The following ATP8B1 variants were observed in gnomAD, a reference collection of about 807,000 sequenced individuals.
The protein encoded by ATP8B1 is phospholipid-transporting ATPase IC.
A neutral mutation model predicts 149.9 loss-of-function variants in ATP8B1; 80 were observed. That is an observed-to-expected ratio of 0.53 (90% confidence interval 0.45 to 0.64). The LOEUF is 0.64. Ranked by LOEUF, ATP8B1 falls within the 30% of genes least tolerant of loss-of-function variation. The probability of loss-of-function intolerance (pLI) is 0.00; values close to 1 mark genes in which losing one functional copy is unlikely to be tolerated. For missense variants in ATP8B1, 1,247 were observed against 1,552.6 expected (o/e 0.80, Z 3.31); for synonymous variants, 536 against 562.8 (o/e 0.95, Z 0.67).
At chr18:57,745,654 C>T (rs8090115) in intron 1 of ATP8B1, among the ~76,000 whole-genome samples, 7,981 of 83,152 alleles carry the variant, frequency 0.096, 581 homozygotes, top group African/African-American at 0.31. Flanking sequence ...CATGGTTTTA[C>T]AATTTTTTTT....
chr18:57,756,533 T>C (rs2080086396), intron 1 of ATP8B1, among the ~76,000 whole-genome samples: 1 of 151,982 alleles, frequency 6.6e-6, no homozygotes, highest in Admixed American at 6.6e-5. Flanking sequence ...ACTCCTGACC[T>C]CAGGTGATCT....
In ATP8B1 at chr18:57,792,558, C is replaced by A. The variant is rs575369017; in HGVS notation, c.-26+10440G>T. Among the ~76,000 whole-genome samples, 15 of 152,196 alleles carry A rather than the reference C, an allele frequency of 9.9e-5. No homozygotes were observed. The South Asian group carries it at 2.9e-3, about 29-fold the overall frequency. On this transcript the variant is annotated intron_variant, in intron 1 of 27. Coordinates refer to ENST00000648908, the MANE Select transcript of ATP8B1 (RefSeq NM_001374385.1). The stretch of plus-strand genomic sequence containing the variant: ...CCCGGAATCGGCAAACCCACAGAAG[C>A]AGAGGGTAGATGAGAGGCTGCCAGG...
At chr18:57,757,188 A>G (rs1300781038) in intron 1 of ATP8B1, among the ~76,000 whole-genome samples, 2 of 152,204 alleles carry the variant, frequency 1.3e-5, no homozygotes, top group Admixed American at 1.3e-4. Flanking sequence ...CTTACTGTCC[A>G]TAATTATTTT....
chr18:57,689,958 G>A (rs1321639573), intron 12 of ATP8B1, among the ~76,000 whole-genome samples: 2 of 152,232 alleles, frequency 1.3e-5, no homozygotes, highest in African/African-American at 4.8e-5. Flanking sequence ...GGAGGTTGCA[G>A]TGAGCTGAGA....
intron 1 of ATP8B1, among the ~76,000 whole-genome samples, chr18:57,735,967 G>GCCCCCCCCCC (rs59140378): frequency 3.3e-4 from 44 of 134,338 alleles, no homozygotes; most frequent in African/African-American, 5.5e-4. Flanking sequence ...CCCATTCCTT[G>GCCCCCCCCCC]CCCCCCCCAC....
intron 20 of ATP8B1, among the ~76,000 whole-genome samples, chr18:57,663,793 A>G (rs1197521748): frequency 8.0e-6 from 1 of 124,418 alleles, no homozygotes; most frequent in Admixed American, 1.0e-4. Flanking sequence ...TTTGAGGCAG[A>G]GTCTCGCTCT....
chr18:57,733,976 G>T (rs1599170954), intron 1 of ATP8B1: 1 of 152,092 alleles, frequency 6.6e-6, no homozygotes, highest in African/African-American at 2.4e-5. Context: ...AAAGCAAGCT[G>T]GGTTACAATT....
In ATP8B1 at chr18:57,731,378, C is replaced by CAT. The variant is rs2079763862; in HGVS notation, c.181+248_181+249insAT. The CAT allele has an allele frequency of 1.4e-5, 4 of 278,064 alleles. 1 individual carries two copies. The highest frequency in any genetic ancestry group is 2.7e-5 in the Non-Finnish European group (4 of 147,210). 17.2% of individuals were successfully genotyped at this position (278,064 alleles called of 1,614,324 possible). A position where few individuals can be genotyped will look rare whatever the true frequency, so the allele number is the denominator to read the frequency against. Reference sequence around the variant, plus strand: ...ATATATATATATATATATATATACACACACTAACAAAGACCTTAATGTATT... The same window carrying CAT: ...ATATATATATATATATATATATACACATACACTAACAAAGACCTTAATGTATT... On this transcript the variant is annotated intron_variant, in intron 2 of 27. Transcript: ENST00000648908.
At chr18:57,713,199 C>CTCT (rs748974327) in intron 2 of ATP8B1, among the ~76,000 whole-genome samples, 3 of 64,072 alleles carry the variant, frequency 4.7e-5, no homozygotes, top group African/African-American at 1.1e-4. Context: ...TTCTTTCTTT[C>CTCT]CTTCCTTCCT....
intron 16 of ATP8B1, among the ~76,000 whole-genome samples, chr18:57,672,931 T>TATATATAAAA (rs1301236712): frequency 3.0e-5 from 1 of 33,198 alleles, no homozygotes; most frequent in Non-Finnish European, 4.9e-5. Flanking sequence ...TATATATATA[T>TATATATAAAA]AACATGTATA....
chr18:57,693,958 C>A lies in ATP8B1; in HGVS notation c.1029+624G>T, dbSNP rs185935473. ...TGGTGGGGAGTGGGGGCAGGACGGC[C>A]GACTTTTGGAAGCTTGTGCCTGGTT... On this transcript the variant is annotated intron_variant, in intron 11 of 27. Transcript: ENST00000648908. Among the ~76,000 whole-genome samples, 407 of 152,130 alleles carry A rather than the reference C, an allele frequency of 2.7e-3. 6 individuals are homozygous for A. The highest frequency in any genetic ancestry group is 2.9e-3 in the Admixed American group (44 of 15,272).
chr18:57,691,565 C>A (rs1599120662), intron 12 of ATP8B1, among the ~76,000 whole-genome samples: 1 of 152,168 alleles, frequency 6.6e-6, no homozygotes, highest in Non-Finnish European at 1.5e-5. Context: ...GAGTAGCAAT[C>A]GATCTTTGAA....
chr18:57,715,326 A>G (rs1042265010), intron 2 of ATP8B1, among the ~76,000 whole-genome samples: 2 of 152,178 alleles, frequency 1.3e-5, no homozygotes, highest in Non-Finnish European at 2.9e-5. Context: ...CAGAGGAGAC[A>G]GAAGAAAAAA....
At chr18:57,761,835 A>G (rs2080160847) in intron 1 of ATP8B1, among the ~76,000 whole-genome samples, 1 of 150,872 alleles carries the variant, frequency 6.6e-6, no homozygotes, top group African/African-American at 2.4e-5. Context: ...CTGTAGTCCA[A>G]GCTGCTCGGG....
chr18:57,766,575 T>C (rs1272590931), intron 1 of ATP8B1, among the ~76,000 whole-genome samples: 2 of 152,164 alleles, frequency 1.3e-5, no homozygotes, highest in Non-Finnish European at 2.9e-5. Context: ...CTTTAGCACA[T>C]ATGAAAATCC....
At position 57,759,155 on chromosome 18, in the gene ATP8B1, C is replaced by CAAAAAAAAAAAAAAA. The variant is rs566728161; in HGVS notation, c.-25-27338_-25-27324dup. On this transcript the variant is annotated intron_variant, in intron 1 of 27. Coordinates refer to ENST00000648908, the MANE Select transcript of ATP8B1 (RefSeq NM_001374385.1). ...TGGGCGACAGAACGAGATTCCATCT[C>CAAAAAAAAAAAAAAA]AAAAAAAAAAAAAAAAAAAAAAAAA... is the stretch of plus-strand genomic sequence containing the variant. Among the ~76,000 whole-genome samples, 92 of 106,272 alleles carry CAAAAAAAAAAAAAAA rather than the reference C, an allele frequency of 8.7e-4. 1 individual carries two copies. The highest frequency in any genetic ancestry group is 1.2e-3 in the Non-Finnish European group (64 of 54,020). 69.7% of individuals were successfully genotyped at this position (106,272 alleles called of 152,430 possible). A position where few individuals can be genotyped will look rare whatever the true frequency, so the allele number is the denominator to read the frequency against.
intron 1 of ATP8B1, among the ~76,000 whole-genome samples, chr18:57,753,907 T>A: frequency 9.6e-6 from 1 of 104,676 alleles, no homozygotes; most frequent in Non-Finnish European, 1.8e-5. Context: ...CACCCTGGGC[T>A]ACAGACAGAA....
intron 1 of ATP8B1, among the ~76,000 whole-genome samples, chr18:57,770,847 A>G (rs2080257579): frequency 6.6e-6 from 1 of 152,220 alleles, no homozygotes; most frequent in African/African-American, 2.4e-5. Context: ...CCGTTCTTCT[A>G]GAAACATGGA....
chr18:57,790,290 C>T (rs1473959133), intron 1 of ATP8B1, among the ~76,000 whole-genome samples: 1 of 152,034 alleles, frequency 6.6e-6, no homozygotes, highest in Non-Finnish European at 1.5e-5. Context: ...TGCTTCTGGC[C>T]TCATTCCCTG....
Sources: gnomAD v4.1 joint callset for allele counts (sites outside exome capture counted in the v4.1 genomes callset) on GRCh38, gnomAD v4.1.1 for gene constraint, MANE v1.5 for transcripts, NCBI Gene and HGNC (gene_info 2026-07-23, HGNC 2026-07-21) for gene names.